GULP1: variants seen among roughly 807,000 people sequenced by gnomAD.
GULP1 encodes the protein GULP PTB domain containing engulfment adaptor 1.
A neutral mutation model predicts 40.9 loss-of-function variants in GULP1; 19 were observed. The observed-to-expected ratio is 0.46, with a 90% CI of 0.32 to 0.68. The LOEUF (loss-of-function observed/expected upper bound fraction) is 0.68, where lower values mean the gene tolerates loss of function less well. Ranked by LOEUF, GULP1 falls within the 30% of genes least tolerant of loss-of-function variation. The pLI is 0.03. For missense variants in GULP1, 312 were observed against 362.2 expected, an observed-to-expected ratio of 0.86 and a Z score of 1.12; for synonymous variants, 119 against 117.6, an observed-to-expected ratio of 1.01 and a Z score of -0.08.
intron 2 of GULP1, among the ~76,000 whole-genome samples, chr2:188,387,839 C>T (rs2049978692): frequency 6.6e-6 from 1 of 152,018 alleles, no homozygotes; most frequent in South Asian, 2.1e-4. Context: ...GCAGGGGAGC[C>T]AGATGAACCA....
At chr2:188,520,352 A>T (rs920029671) in intron 4 of GULP1, among the ~76,000 whole-genome samples, 15 of 151,962 alleles carry the variant, frequency 9.9e-5, no homozygotes, top group Admixed American at 9.2e-4. Context: ...CGTGGCCAAC[A>T]TGGTGAAACT....
intron 2 of GULP1, among the ~76,000 whole-genome samples, chr2:188,401,838 G>T (rs2052340762): frequency 6.6e-6 from 1 of 152,114 alleles, no homozygotes; most frequent in Non-Finnish European, 1.5e-5. Flanking sequence ...ATCATTTTAT[G>T]TAAGTTGTCA....
chr2:188,370,166 GCTTATGTTGATTGT>G (rs1039451828), intron 1 of GULP1, among the ~76,000 whole-genome samples: 34 of 152,260 alleles, frequency 2.2e-4, no homozygotes, highest in African/African-American at 7.9e-4. Context: ...AGGGGGAAAG[GCTTATGTTGATTGT>G]CTTAAGGTAG....
intron 7 of GULP1, among the ~76,000 whole-genome samples, chr2:188,565,581 G>C (rs1024536486): frequency 5.3e-5 from 8 of 151,966 alleles, no homozygotes; most frequent in Admixed American, 3.9e-4. Context: ...TCTCTTAACT[G>C]CTGGTGGAAA....
intron 5 of GULP1, among the ~76,000 whole-genome samples, chr2:188,527,666 A>G (rs572891173): frequency 1.3e-5 from 2 of 152,310 alleles, no homozygotes. Context: ...GTAGAGCAAG[A>G]CAGACAGCAA....
intron 6 of GULP1, among the ~76,000 whole-genome samples, chr2:188,529,894 T>C (rs1559347053): frequency 6.6e-6 from 1 of 152,148 alleles, no homozygotes; most frequent in Non-Finnish European, 1.5e-5. Flanking sequence ...CAAATTAAAT[T>C]TAGCAGAGTT....
At chr2:188,299,904 C>T (rs182639822) in intron 1 of GULP1, among the ~76,000 whole-genome samples, 3 of 152,250 alleles carry the variant, frequency 2.0e-5, no homozygotes, top group Admixed American at 1.3e-4. Context: ...AGGCATGAAG[C>T]CATGAATGTG....
intron 2 of GULP1, among the ~76,000 whole-genome samples, chr2:188,460,312 T>A (rs1414758982): frequency 6.6e-6 from 1 of 152,132 alleles, no homozygotes; most frequent in Non-Finnish European, 1.5e-5. Flanking sequence ...GTCTTCTCTT[T>A]AGCTTTTCTC....
At chr2:188,532,747 C>T (rs1283606870) in intron 6 of GULP1, among the ~76,000 whole-genome samples, 6 of 93,598 alleles carry the variant, frequency 6.4e-5, no homozygotes, top group Non-Finnish European at 1.3e-4. Flanking sequence ...GAAACCCTGT[C>T]TCTACTAAAA....
rs147120926 is a variant in GULP1, at chr2:188,537,867, G to A, written c.262-3314G>A. On this transcript the variant is annotated intron_variant, in intron 6 of 11. Coordinates refer to ENST00000409830, the MANE Select transcript of GULP1 (RefSeq NM_016315.4). ...TATTACTGATTCAATTTCAGAACTT[G>A]ATATTGTTCTGTTCAGGATTTCAGT... Among the ~76,000 whole-genome samples the A allele has an allele frequency of 1.1e-4, 17 of 152,082 alleles. No homozygotes were observed. In the East Asian group the frequency reaches 3.1e-3, roughly 28 times the overall value.
chr2:188,554,156 G>A (rs1283932657), intron 7 of GULP1, among the ~76,000 whole-genome samples: 1 of 151,636 alleles, frequency 6.6e-6, no homozygotes, highest in Non-Finnish European at 1.5e-5. Context: ...GTTCTGCTCT[G>A]ATCTTTTTTA....
intron 2 of GULP1, among the ~76,000 whole-genome samples, chr2:188,418,501 T>C (rs750609016): frequency 6.6e-6 from 1 of 151,948 alleles, no homozygotes; most frequent in Non-Finnish European, 1.5e-5. Context: ...GGCATGGTGG[T>C]GGGCGCCTGT....
intron 7 of GULP1, among the ~76,000 whole-genome samples, chr2:188,561,341 G>A (rs1166969022): frequency 6.6e-6 from 1 of 152,182 alleles, no homozygotes; most frequent in Non-Finnish European, 1.5e-5. Context: ...AGGCACTGTG[G>A]TATGGGTTAT....
intron 2 of GULP1, among the ~76,000 whole-genome samples, chr2:188,405,468 G>A (rs1274029117): frequency 6.6e-6 from 1 of 152,122 alleles, no homozygotes; most frequent in Non-Finnish European, 1.5e-5. Context: ...CCAGCCTCAG[G>A]TCAGCCCTCA....
At chr2:188,564,778 C>T (rs1168937824) in intron 7 of GULP1, among the ~76,000 whole-genome samples, 2 of 151,730 alleles carry the variant, frequency 1.3e-5, no homozygotes, top group Non-Finnish European at 3.0e-5. Context: ...AGAGAGAAGA[C>T]CAAAATCTGG....
At chr2:188,298,973 G>T (rs2035586128) in intron 1 of GULP1, among the ~76,000 whole-genome samples, 1 of 152,146 alleles carries the variant, frequency 6.6e-6, no homozygotes, top group African/African-American at 2.4e-5. Context: ...AGGAGAAGGG[G>T]ATCTTACTAT....
intron 3 of GULP1, among the ~76,000 whole-genome samples, chr2:188,479,542 T>C (rs186106644): frequency 1.7e-4 from 26 of 152,264 alleles, no homozygotes; most frequent in Admixed American, 1.6e-3. Flanking sequence ...CCTCCCAAAG[T>C]GTTGGGATTA....
chr2:188,454,019 G>A (rs973497075), intron 2 of GULP1, among the ~76,000 whole-genome samples: 15 of 152,152 alleles, frequency 9.9e-5, no homozygotes, highest in African/African-American at 2.7e-4. Flanking sequence ...CTGGGGACCC[G>A]TATGGCTGGC....
At chr2:188,391,787 A>G (rs190626983) in intron 2 of GULP1, among the ~76,000 whole-genome samples, 36 of 152,154 alleles carry the variant, frequency 2.4e-4, no homozygotes, top group African/African-American at 7.2e-4. Flanking sequence ...TGTACCTTCT[A>G]TGCCTAGTTT....
Sources: gnomAD v4.1 joint callset for allele counts (sites outside exome capture counted in the v4.1 genomes callset) on GRCh38, gnomAD v4.1.1 for gene constraint, MANE v1.5 for transcripts, NCBI Gene and HGNC (gene_info 2026-07-23, HGNC 2026-07-21) for gene names.